Variants in ARHGAP10 observed in about 807,000 individuals in gnomAD.
ARHGAP10 encodes the protein Rho GTPase activating protein 10.
Under a neutral mutation model 108.6 loss-of-function variants are expected in ARHGAP10, and 87 were observed. The observed-to-expected ratio is 0.80, with a 90% CI of 0.67 to 0.96. ARHGAP10 has a LOEUF of 0.96. Ranked by LOEUF, ARHGAP10 falls within the 40% of genes least tolerant of loss-of-function variation. The pLI, the probability that ARHGAP10 is intolerant of heterozygous loss-of-function variation, is 0.00. For synonymous variants in ARHGAP10, 347 were observed against 341.1 expected (o/e 1.02, Z -0.19); for missense variants, 939 against 954.5 (o/e 0.98, Z 0.21).
At chr4:147,796,820 C>T (rs114771985) in intron 1 of ARHGAP10, among the ~76,000 whole-genome samples, 1,534 of 152,288 alleles carry the variant, frequency 0.01, 13 homozygotes, top group Non-Finnish European at 0.016. Context: ...CCACTGCGCC[C>T]GGCCTGTTCC....
At chr4:147,964,468 T>A (rs1278617648) in intron 16 of ARHGAP10, among the ~76,000 whole-genome samples, 1 of 152,220 alleles carries the variant, frequency 6.6e-6, no homozygotes, top group African/African-American at 2.4e-5. Context: ...TCTGTGAGTC[T>A]AAACTTTTCC....
chr4:147,755,716 A>G (rs992683115), intron 1 of ARHGAP10, among the ~76,000 whole-genome samples: 1 of 152,078 alleles, frequency 6.6e-6, no homozygotes, highest in Non-Finnish European at 1.5e-5. Context: ...GCCCTTATAT[A>G]GTGTAGGTGA....
At chr4:147,753,358 T>TC (rs1346565228) in intron 1 of ARHGAP10, among the ~76,000 whole-genome samples, 1 of 151,374 alleles carries the variant, frequency 6.6e-6, no homozygotes, top group Non-Finnish European at 1.5e-5. Context: ...TTCTTTTCTT[T>TC]TTTTTTTTTG....
Position 147,788,979 on chromosome 4 carries a change from G to A in ARHGAP10, c.155-33748G>A, listed in dbSNP as rs377526131. 2.6e-5 allele frequency among the ~76,000 whole-genome samples: 4 copies of A among 152,262 alleles called. No homozygotes were observed. In the East Asian group the frequency reaches 7.7e-4, roughly 29 times the overall value. The stretch of plus-strand genomic sequence containing the variant: ...GATGTTCATGCCATAAACTTATCCG[G>A]TTCTTGCAGCAGCAGCTCTCTTCAG... On this transcript the variant is annotated intron_variant, in intron 1 of 22. Transcript: ENST00000336498.
At chr4:148,047,138 G>C in intron 20 of ARHGAP10, 87 bp downstream of exon 20, 1 of 1,489,298 alleles carries the variant, frequency 6.7e-7, no homozygotes, top group South Asian at 1.3e-5. Context: ...TGACCTGTGG[G>C]TGCTGAAGCC....
In ARHGAP10 at chr4:147,732,528, C is replaced by T. The variant is rs555706895; in HGVS notation, c.154+73C>T. ...TGGGGGAGCCTCTCTCGGCAGGAGACGGAGGGTCTTGTGTCCGGGGCCAGC... is the reference window on the plus strand; with the variant it reads ...TGGGGGAGCCTCTCTCGGCAGGAGATGGAGGGTCTTGTGTCCGGGGCCAGC... On this transcript the variant is annotated intron_variant, in intron 1 of 22. Transcript: ENST00000336498. 7.3e-5 allele frequency: 115 copies of T among 1,582,876 alleles called. 3 individuals are homozygous for T. The South Asian group carries it at 1.1e-3, about 16-fold the overall frequency.
chr4:147,793,767 G>T (rs966284503), intron 1 of ARHGAP10, among the ~76,000 whole-genome samples: 2 of 152,190 alleles, frequency 1.3e-5, no homozygotes, highest in African/African-American at 2.4e-5. Flanking sequence ...AATCATCCGT[G>T]CCTGTGTACG....
intron 1 of ARHGAP10, among the ~76,000 whole-genome samples, chr4:147,763,575 G>T (rs1729673534): frequency 6.6e-6 from 1 of 152,018 alleles, no homozygotes; most frequent in African/African-American, 2.4e-5. Flanking sequence ...CTCCCAAAGT[G>T]TTGGGATTAC....
chr4:147,995,228 T>G (rs555918824), intron 18 of ARHGAP10, among the ~76,000 whole-genome samples: 17 of 152,368 alleles, frequency 1.1e-4, no homozygotes, highest in African/African-American at 4.1e-4. Context: ...CCAGTTTTTA[T>G]GTTTCACATC....
chr4:148,051,666 TG>T (rs1236338367), intron 20 of ARHGAP10, among the ~76,000 whole-genome samples: 2 of 152,330 alleles, frequency 1.3e-5, no homozygotes, highest in Non-Finnish European at 2.9e-5. Context: ...TCCCACCCAC[TG>T]AGAGGCTTGG....
chr4:147,812,877 T>A (rs1466880654), intron 1 of ARHGAP10, among the ~76,000 whole-genome samples: 1 of 152,216 alleles, frequency 6.6e-6, no homozygotes, highest in African/African-American at 2.4e-5. Flanking sequence ...TTTGTTATAG[T>A]GAGCATTAAA....
chr4:147,970,522 C>T (rs535242863), intron 18 of ARHGAP10, among the ~76,000 whole-genome samples: 41 of 152,116 alleles, frequency 2.7e-4, no homozygotes, highest in African/African-American at 7.7e-4. Context: ...CGAAAAATGG[C>T]GAGAAGGAAG....
chr4:147,733,306 G>T (rs1728298050), intron 1 of ARHGAP10, among the ~76,000 whole-genome samples: 2 of 152,208 alleles, frequency 1.3e-5, no homozygotes, highest in African/African-American at 4.8e-5. Flanking sequence ...CAGAAATACT[G>T]AGTTAGTGAT....
chr4:147,976,085 A>G (rs1739582324), intron 18 of ARHGAP10, among the ~76,000 whole-genome samples: 2 of 152,156 alleles, frequency 1.3e-5, no homozygotes, highest in Non-Finnish European at 2.9e-5. Context: ...CAAACACAAT[A>G]TATGTCCTAT....
chr4:147,906,781 T>C, intron 11 of ARHGAP10, 62 bp downstream of exon 11: 1 of 1,585,258 alleles, frequency 6.3e-7, no homozygotes, highest in South Asian at 1.1e-5. Flanking sequence ...GCATTCATTT[T>C]TATGTTATTT....
At chr4:147,856,018 G>A (rs1560792821) in intron 4 of ARHGAP10, among the ~76,000 whole-genome samples, 1 of 152,204 alleles carries the variant, frequency 6.6e-6, no homozygotes, top group Non-Finnish European at 1.5e-5. Flanking sequence ...AATTAGGGAA[G>A]AGAATGTTCC....
intron 20 of ARHGAP10, 109 bp downstream of exon 20, chr4:148,047,160 G>C: frequency 7.4e-7 from 1 of 1,347,026 alleles, no homozygotes. Context: ...TTAGATCTAG[G>C]AGCCCTTGTT....
chr4:148,022,231 C>T (rs751790441), intron 18 of ARHGAP10, among the ~76,000 whole-genome samples: 9 of 152,280 alleles, frequency 5.9e-5, no homozygotes, highest in Middle Eastern at 3.4e-3. Context: ...CATAGGTATA[C>T]ATGTGCCATG....
intron 20 of ARHGAP10, among the ~76,000 whole-genome samples, chr4:148,056,515 G>A (rs940332966): frequency 2.0e-5 from 3 of 152,118 alleles, no homozygotes; most frequent in African/African-American, 7.2e-5. Flanking sequence ...ATACTACAGA[G>A]CTTCCGTAGA....
Sources: allele counts gnomAD v4.1 joint callset (sites outside exome capture counted in the v4.1 genomes callset), GRCh38; gene constraint gnomAD v4.1.1; transcripts MANE v1.5; gene names NCBI Gene and HGNC (gene_info 2026-07-23, HGNC 2026-07-21).